Variants in RCAN2 observed in about 807,000 individuals in gnomAD.
RCAN2 encodes regulator of calcineurin 2, also known as calcipressin-2.
Under a neutral mutation model 23.6 loss-of-function variants are expected in RCAN2, and 9 were observed. That is an observed-to-expected ratio of 0.38 (90% CI 0.23 to 0.67). The LOEUF (loss-of-function observed/expected upper bound fraction) is 0.67, where lower values mean the gene tolerates loss of function less well. RCAN2 is among the 30% of genes least tolerant of loss of function. The pLI, the probability that RCAN2 is intolerant of heterozygous loss-of-function variation, is 0.51. For missense variants in RCAN2, 273 were observed against 302.3 expected (o/e 0.90, Z 0.72); for synonymous variants, 109 against 115.7 (o/e 0.94, Z 0.37).
chr6:46,367,493 G>A (rs1765208732), intron 2 of RCAN2, among the ~76,000 whole-genome samples: 1 of 152,126 alleles, frequency 6.6e-6, no homozygotes, highest in African/African-American at 2.4e-5. Flanking sequence ...GAACTTCAAA[G>A]GCTTGGCTGA....
chr6:46,474,215 G>T (rs1356572248), intron 1 of RCAN2, among the ~76,000 whole-genome samples: 1 of 152,078 alleles, frequency 6.6e-6, no homozygotes, highest in African/African-American at 2.4e-5. Flanking sequence ...AAAGGGTAGT[G>T]GGGGGTAGCT....
At chr6:46,361,272 G>A (rs1765005351) in intron 2 of RCAN2, among the ~76,000 whole-genome samples, 2 of 152,170 alleles carry the variant, frequency 1.3e-5, no homozygotes, top group Admixed American at 1.3e-4. Context: ...AAGGGGGAAT[G>A]AATGAGCTGA....
At chr6:46,420,625 A>G (rs989058979) in intron 2 of RCAN2, among the ~76,000 whole-genome samples, 1 of 150,058 alleles carries the variant, frequency 6.7e-6, no homozygotes, top group Non-Finnish European at 1.5e-5. Context: ...GCTCACTGCA[A>G]CCTCCCCTCC....
intron 2 of RCAN2, among the ~76,000 whole-genome samples, chr6:46,302,753 T>C (rs193295989): frequency 2.6e-4 from 39 of 152,194 alleles, no homozygotes; most frequent in South Asian, 1.2e-3. Flanking sequence ...GTATACTTCA[T>C]TGAATATTGG....
chr6:46,243,568 T>A (rs1766387492), intron 4 of RCAN2, among the ~76,000 whole-genome samples: 1 of 152,192 alleles, frequency 6.6e-6, no homozygotes, highest in African/African-American at 2.4e-5. Context: ...CCCAGCACTT[T>A]GGGAGACTGA....
intron 2 of RCAN2, among the ~76,000 whole-genome samples, chr6:46,363,792 G>T (rs1407097521): frequency 1.3e-5 from 1 of 78,338 alleles, no homozygotes; most frequent in Admixed American, 1.8e-4. Flanking sequence ...GTAAAATAAT[G>T]ATTCTCATGC....
intron 2 of RCAN2, among the ~76,000 whole-genome samples, chr6:46,431,549 A>C (rs1767207018): frequency 2.6e-5 from 4 of 152,214 alleles, no homozygotes; most frequent in Admixed American, 2.6e-4. Context: ...CTTCCATGGC[A>C]CACACAGGCA....
At chr6:46,431,406 GA>G (rs1440510212) in intron 2 of RCAN2, among the ~76,000 whole-genome samples, 2 of 151,890 alleles carry the variant, frequency 1.3e-5, no homozygotes, top group African/African-American at 2.4e-5. Context: ...AACCTCTAGA[GA>G]AAAAAATAAC....
At chr6:46,374,886 C>CTATT (rs71699896) in intron 2 of RCAN2, among the ~76,000 whole-genome samples, 3 of 151,594 alleles carry the variant, frequency 2.0e-5, no homozygotes, top group African/African-American at 7.3e-5. Context: ...TAACTCACAG[C>CTATT]TATTTATTTA....
intron 1 of RCAN2, among the ~76,000 whole-genome samples, chr6:46,482,225 AAAT>A (rs776349165): frequency 1.3e-5 from 2 of 151,988 alleles, no homozygotes; most frequent in African/African-American, 2.4e-5. Flanking sequence ...TTAATATTAA[AAAT>A]AATATTAATT....
intron 2 of RCAN2, among the ~76,000 whole-genome samples, chr6:46,364,740 C>T (rs750325960): frequency 7.2e-5 from 11 of 152,204 alleles, no homozygotes; most frequent in Non-Finnish European, 1.5e-4. Context: ...GGTGCTATCA[C>T]CAACTGCTCC....
At position 46,248,835 on chromosome 6, in the gene RCAN2, C is replaced by T; in HGVS notation, c.287G>A (p.Ser96Asn). 6.2e-7 allele frequency: 1 copy of T among 1,613,080 alleles called. No individual in the cohort carries two copies. Among genetic ancestry groups the T allele is most frequent in the Non-Finnish European group, 8.5e-7 (1 of 1,179,774 alleles). ...DDCVTFQLFK[S>N]FRRVRINFSN... The stretch of plus-strand genomic sequence containing the variant: ...GAAGTTTATACGGACACGTCTGAAA[C>T]TCTTAAATAGCTGGAACGTCACACA... The change falls in exon 3 of 5, where the codon AGT becomes AAT. Residue 96 changes from serine to asparagine, a missense_variant. Coordinates refer to ENST00000371374, the MANE Select transcript of RCAN2 (RefSeq NM_001251974.2).
chr6:46,346,088 A>C (rs1210077019), intron 2 of RCAN2, among the ~76,000 whole-genome samples: 1 of 152,198 alleles, frequency 6.6e-6, no homozygotes, highest in Non-Finnish European at 1.5e-5. Context: ...AAAGGAATTA[A>C]ATTAGAAATC....
Position 46,478,566 on chromosome 6 carries a change from C to A in RCAN2, c.-3+12607G>T, listed in dbSNP as rs530511616. 2.0e-5 allele frequency among the ~76,000 whole-genome samples: 3 copies of A among 152,284 alleles called. No individual in the cohort carries two copies. In the South Asian group the frequency reaches 6.2e-4, roughly 32 times the overall value. On this transcript the variant is annotated intron_variant, in intron 1 of 4. Coordinates refer to ENST00000371374, the MANE Select transcript of RCAN2 (RefSeq NM_001251974.2). ...CATAAGTCCCATCACATGTCTATGT[C>A]CACATGCTATACAATGAGCTTCTCC...
At position 46,265,782 on chromosome 6, in the gene RCAN2, G is replaced by A. The variant is rs547949875; in HGVS notation, c.226-16886C>T. On this transcript the variant is annotated intron_variant, in intron 2 of 4. Coordinates refer to ENST00000371374, the MANE Select transcript of RCAN2 (RefSeq NM_001251974.2). ...TTATTTGTGATCTAATAAAAGTTAC[G>A]GAATAAATTTTTATTCCATAAAATT... is the stretch of plus-strand genomic sequence containing the variant. 5.3e-5 allele frequency among the ~76,000 whole-genome samples: 8 copies of A among 152,138 alleles called. No homozygotes were observed. The East Asian group carries it at 7.7e-4, about 15-fold the overall frequency.
At chr6:46,281,094 A>C (rs1767895602) in intron 2 of RCAN2, among the ~76,000 whole-genome samples, 1 of 152,188 alleles carries the variant, frequency 6.6e-6, no homozygotes, top group Admixed American at 6.5e-5. Flanking sequence ...AGAAAGGGTC[A>C]GGCAGCTGAG....
intron 2 of RCAN2, among the ~76,000 whole-genome samples, chr6:46,345,748 A>G (rs1582127348): frequency 6.6e-6 from 1 of 152,288 alleles, no homozygotes; most frequent in East Asian, 1.9e-4. Flanking sequence ...ATGAAGAAAC[A>G]AATATAAAAA....
chr6:46,236,155 G>T (rs1453246426), intron 4 of RCAN2, among the ~76,000 whole-genome samples: 1 of 152,206 alleles, frequency 6.6e-6, no homozygotes, highest in Non-Finnish European at 1.5e-5. Flanking sequence ...AATAGTCAAA[G>T]AATTAAGCAG....
chr6:46,419,079 G>A (rs999593858), intron 2 of RCAN2, among the ~76,000 whole-genome samples: 12 of 152,186 alleles, frequency 7.9e-5, no homozygotes, highest in African/African-American at 2.9e-4. Context: ...TTCAGGCCGT[G>A]TGCATATATT....
Sources: allele counts gnomAD v4.1 joint callset (sites outside exome capture counted in the v4.1 genomes callset), GRCh38; gene constraint gnomAD v4.1.1; transcripts MANE v1.5; gene names NCBI Gene and HGNC (gene_info 2026-07-23, HGNC 2026-07-21).